NTMT2: variants seen among roughly 807,000 people sequenced by gnomAD.
NTMT2 encodes X-Pro-Lys N-terminal protein methyltransferase 1B.
NTMT2 carries 21 observed loss-of-function variants against 23.4 expected under a neutral mutation model. That is an observed-to-expected ratio of 0.90 (90% CI 0.64 to 1.29). The LOEUF (loss-of-function observed/expected upper bound fraction) is 1.29, where lower values mean the gene tolerates loss of function less well. Among genes scored for constraint, NTMT2 ranks in the 50% most tolerant of loss-of-function variants. The pLI, the probability that NTMT2 is intolerant of heterozygous loss-of-function variation, is 0.00. For missense variants in NTMT2, 336 were observed against 352.0 expected (o/e 0.95, Z 0.36); for synonymous variants, 131 against 127.7 (o/e 1.03, Z -0.17).
intron 1 of NTMT2, among the ~76,000 whole-genome samples, chr1:170,147,708 CT>C (rs1229641682): frequency 6.6e-6 from 1 of 152,130 alleles, no homozygotes; most frequent in African/African-American, 2.4e-5. Flanking sequence ...ATTACAACAG[CT>C]GAGAAGAGAG....
chr1:170,163,260 CT>C (rs1378784979), intron 2 of NTMT2, among the ~76,000 whole-genome samples: 2 of 152,160 alleles, frequency 1.3e-5, no homozygotes, highest in Admixed American at 6.5e-5. Context: ...TATTTTGGTA[CT>C]TTGACCTTCA....
chr1:170,152,975 T>C (rs1241633118), intron 1 of NTMT2, among the ~76,000 whole-genome samples: 1 of 152,102 alleles, frequency 6.6e-6, no homozygotes, highest in Non-Finnish European at 1.5e-5. Context: ...CTTGGTGTTG[T>C]CCTTAAAATA....
chr1:170,166,723 T>C lies in NTMT2; in HGVS notation c.552T>C (p.Tyr184=), dbSNP rs369197295. The change falls in exon 3 of 4, where the codon TAT becomes TAC. Residue 184 remains tyrosine, a synonymous_variant. Coordinates refer to ENST00000439373, the MANE Select transcript of NTMT2 (RefSeq NM_001136107.2). Reference sequence around the variant, plus strand: ...AATTCACACCCCCCTTCAGGAGATATGATGTCATCTGGATTCAGTGGGTCT... The same window carrying C: ...AATTCACACCCCCCTTCAGGAGATACGATGTCATCTGGATTCAGTGGGTCT... The part of the protein sequence containing the change: ...LQEFTPPFRR[Y]DVIWIQWVSG... The C allele has an allele frequency of 1.3e-6, 2 of 1,552,280 alleles. No homozygotes were observed. Among genetic ancestry groups the C allele is most frequent in the Admixed American group, 2.0e-5 (1 of 51,004 alleles).
rs191834724 is a variant in NTMT2 at position 170,167,538 on chromosome 1, C to T, written c.633C>T (p.Gly211=). The change falls in exon 4 of 4, where the codon GGC becomes GGT. Residue 211 remains glycine, a synonymous_variant. Coordinates refer to ENST00000439373, the MANE Select transcript of NTMT2 (RefSeq NM_001136107.2). ...CATTTCTTTCCCGGTGCCGAGATGG[C>T]CTGAAAGAAAATGGCATCATCATAT... ...LLAFLSRCRD[G]LKENGIIILK... is the part of the protein sequence containing the mutation. 1 of 1,551,664 alleles carries T rather than the reference C, an allele frequency of 6.4e-7. No individual in the cohort carries two copies. Among genetic ancestry groups the T allele is most frequent in the East Asian group, 2.4e-5 (1 of 40,920 alleles).
intron 2 of NTMT2, among the ~76,000 whole-genome samples, chr1:170,163,885 G>A (rs1030034906): frequency 6.6e-6 from 1 of 152,098 alleles, no homozygotes; most frequent in Non-Finnish European, 1.5e-5. Context: ...ACTTTGGGAC[G>A]CTGAGGCGGG....
chr1:170,146,145 G>T lies in NTMT2; in HGVS notation c.38G>T (p.Arg13Leu), dbSNP rs562751042. Residue 13 changes from arginine to leucine, a missense_variant, in exon 1 of 4, where the codon CGC (arginine) becomes CTC (leucine). Coordinates refer to ENST00000439373, the MANE Select transcript of NTMT2 (RefSeq NM_001136107.2). ...GGAGCCCATTTTGCCTTTAGATCCC[G>T]CTGGCAGAAGACCGACGATGAACTC... ...HRGAHFAFRS[R>L]WQKTDDELCR... 100 of 1,551,204 alleles carry T rather than the reference G, an allele frequency of 6.4e-5. No homozygotes were observed. In the Middle Eastern group the frequency reaches 8.3e-4, roughly 13 times the overall value.
intron 3 of NTMT2, 29 bp from the exon 4 acceptor site, chr1:170,167,457 T>C (rs373314442): frequency 7.3e-6 from 11 of 1,516,504 alleles, no homozygotes; most frequent in Admixed American, 4.1e-5. Context: ...TTTCTTCCTG[T>C]TCCCCCATCC....
Position 170,167,628 on chromosome 1 carries a change from C to T in NTMT2, c.723C>T (p.Asp241=). ...LDLSDSSVTR[D]MDILRSLIRK... is the part of the protein sequence containing the mutation. ...TCTCTGACAGCAGTGTGACTCGGGA[C>T]ATGGACATCCTCCGGAGCCTAATAA... The change falls in exon 4 of 4, where the codon GAC becomes GAT. Residue 241 remains aspartate (D), a synonymous_variant. Coordinates refer to ENST00000439373, the MANE Select transcript of NTMT2 (RefSeq NM_001136107.2). 6.4e-7 allele frequency: 1 copy of T among 1,551,676 alleles called. No homozygotes were observed. The highest frequency in any genetic ancestry group is 8.7e-7 in the Non-Finnish European group (1 of 1,146,978).
In NTMT2 at chr1:170,160,645, C is replaced by A; in HGVS notation, c.282C>A (p.Ser94=). The A allele has an allele frequency of 6.5e-7, 1 of 1,543,692 alleles. No individual in the cohort carries two copies. Among genetic ancestry groups the A allele is most frequent in the Non-Finnish European group, 8.7e-7 (1 of 1,144,970 alleles). The change falls in exon 2 of 4, where the codon TCC becomes TCA. Residue 94 remains serine (S), a synonymous_variant. Coordinates refer to ENST00000439373, the MANE Select transcript of NTMT2 (RefSeq NM_001136107.2). ...TGATGGGAAATTTCATTGAACTGTC[C>A]AGCCCAGACATCCAGGCCTCTCAGA... ...EGMMGNFIEL[S]SPDIQASQKF... is the part of the protein sequence containing the mutation.
At chr1:170,150,926 A>G (rs1649668895) in intron 1 of NTMT2, among the ~76,000 whole-genome samples, 1 of 152,196 alleles carries the variant, frequency 6.6e-6, no homozygotes, top group Non-Finnish European at 1.5e-5. Context: ...GTTTAGTAAC[A>G]ATCATTGAGG....
At chr1:170,154,487 G>A (rs1040997775) in intron 1 of NTMT2, among the ~76,000 whole-genome samples, 3 of 152,186 alleles carry the variant, frequency 2.0e-5, no homozygotes, top group Non-Finnish European at 4.4e-5. Flanking sequence ...CAAATGCGGG[G>A]CATGGAGTCA....
At chr1:170,152,345 CT>C (rs1477268023) in intron 1 of NTMT2, among the ~76,000 whole-genome samples, 1 of 152,148 alleles carries the variant, frequency 6.6e-6, no homozygotes, top group Non-Finnish European at 1.5e-5. Flanking sequence ...CCCTTGACTT[CT>C]GGCCTTCTCA....
chr1:170,146,145 G>A lies in NTMT2; in HGVS notation c.38G>A (p.Arg13His), dbSNP rs562751042. The A allele has an allele frequency of 6.4e-6, 10 of 1,551,204 alleles. No individual in the cohort carries two copies. The highest frequency in any genetic ancestry group is 8.7e-6 in the Non-Finnish European group (10 of 1,146,840). ...GGAGCCCATTTTGCCTTTAGATCCCGCTGGCAGAAGACCGACGATGAACTC... is the reference window on the plus strand; with the variant it reads ...GGAGCCCATTTTGCCTTTAGATCCCACTGGCAGAAGACCGACGATGAACTC... ...HRGAHFAFRS[R>H]WQKTDDELCR... The change falls in exon 1 of 4, where the codon CGC becomes CAC. Residue 13 changes from arginine to histidine, a missense_variant. Physicochemically the swap from Arg to His is conservative, Grantham distance 29. Coordinates refer to ENST00000439373, the MANE Select transcript of NTMT2 (RefSeq NM_001136107.2).
chr1:170,154,539 G>A (rs1673128801), intron 1 of NTMT2, among the ~76,000 whole-genome samples: 1 of 152,212 alleles, frequency 6.6e-6, no homozygotes, highest in Non-Finnish European at 1.5e-5. Context: ...CTGCCCTGCT[G>A]GCTGGGGTTC....
At position 170,147,237 on chromosome 1, in the gene NTMT2, C is replaced by A. The variant is rs138933982; in HGVS notation, c.154+976C>A. Among the ~76,000 whole-genome samples, 1,075 of 152,202 alleles carry A rather than the reference C, an allele frequency of 7.1e-3. 12 individuals are homozygous for A. Among genetic ancestry groups the A allele is most frequent in the Non-Finnish European group, 0.012 (801 of 68,006 alleles). On this transcript the variant is annotated intron_variant, in intron 1 of 3. Coordinates refer to ENST00000439373, the MANE Select transcript of NTMT2 (RefSeq NM_001136107.2). ...ATCTTTAATTCTAAACATACAAATA[C>A]CTTCATCTCATATTTATATAACTTC...
At chr1:170,165,236 A>G (rs1254651321) in intron 2 of NTMT2, among the ~76,000 whole-genome samples, 1 of 152,194 alleles carries the variant, frequency 6.6e-6, no homozygotes, top group Non-Finnish European at 1.5e-5. Flanking sequence ...ATAAATCAGA[A>G]AAGTTTTTTA....
At chr1:170,157,967 A>C (rs1316816066) in intron 1 of NTMT2, 1 of 152,074 alleles carries the variant, frequency 6.6e-6, no homozygotes, top group Non-Finnish European at 1.5e-5. Flanking sequence ...ATTTCTTTCC[A>C]GATCTGATAC....
At chr1:170,147,603 G>A (rs1302518102) in intron 1 of NTMT2, among the ~76,000 whole-genome samples, 2 of 152,100 alleles carry the variant, frequency 1.3e-5, no homozygotes, top group African/African-American at 2.4e-5. Flanking sequence ...TTCATATACT[G>A]GCAAAGCATT....
chr1:170,159,420 G>GTTTTTTTTTTTT lies in NTMT2; in HGVS notation c.155-1098_155-1097insTTTTTTTTTTTT, dbSNP rs1673225599. Among the ~76,000 whole-genome samples the GTTTTTTTTTTTT allele has an allele frequency of 1.9e-4, 17 of 88,226 alleles. 1 individual carries two copies. Among genetic ancestry groups the GTTTTTTTTTTTT allele is most frequent in the Admixed American group, 2.9e-4 (2 of 6,956 alleles). 57.9% of individuals were successfully genotyped at this position (88,226 alleles called of 152,430 possible). A position where few individuals can be genotyped will look rare whatever the true frequency, so the allele number is the denominator to read the frequency against. On this transcript the variant is annotated intron_variant, in intron 1 of 3. Coordinates refer to ENST00000439373, the MANE Select transcript of NTMT2 (RefSeq NM_001136107.2). Reference sequence around the variant, plus strand: ...TGGACAGAGTTTTGATTTATGCTCTGGTTTTTTTTTTTTTTTTTTTTTTTT... The same window carrying GTTTTTTTTTTTT: ...TGGACAGAGTTTTGATTTATGCTCTGTTTTTTTTTTTTGTTTTTTTTTTTTTTTTTTTTTTTT...
Sources: allele counts gnomAD v4.1 joint callset (sites outside exome capture counted in the v4.1 genomes callset), GRCh38; gene constraint gnomAD v4.1.1; transcripts MANE v1.5; gene names NCBI Gene and HGNC (gene_info 2026-07-23, HGNC 2026-07-21).